The following MAPT variants were observed in gnomAD, a reference collection of about 807,000 sequenced individuals.
MAPT encodes the protein microtubule associated protein tau, also known as microtubule-associated protein tau.
A neutral mutation model predicts 67.9 loss-of-function variants in MAPT; 34 were observed. That is an observed-to-expected ratio of 0.50 (90% CI 0.38 to 0.67). MAPT has a LOEUF of 0.67. MAPT is among the 30% of genes least tolerant of loss of function. MAPT has a pLI of 0.00. For synonymous variants in MAPT, 456 were observed against 464.5 expected (o/e 0.98, Z 0.23); for missense variants, 881 against 1,115.2 (o/e 0.79, Z 2.99).
At chr17:45,997,323 G>C (rs1260781923) in intron 9 of MAPT, among the ~76,000 whole-genome samples, 5 of 152,282 alleles carry the variant, frequency 3.3e-5, no homozygotes, top group South Asian at 2.1e-4. Flanking sequence ...ACAGCAGTAT[G>C]CCTCCTCACT....
intron 1 of MAPT, among the ~76,000 whole-genome samples, chr17:45,908,935 A>G (rs1403900378): frequency 6.6e-6 from 1 of 152,230 alleles, no homozygotes; most frequent in African/African-American, 2.4e-5. Flanking sequence ...AATTGTATTA[A>G]GGGTGAGTAC....
chr17:45,990,506 C>T (rs778518789), intron 7 of MAPT: 4 of 451,192 alleles, frequency 8.9e-6, no homozygotes, highest in Middle Eastern at 4.4e-4. Context: ...ATCGCAGCTA[C>T]TCGGGAGGCT....
chr17:46,001,471 C>T (rs956374810), intron 9 of MAPT, among the ~76,000 whole-genome samples: 7 of 151,856 alleles, frequency 4.6e-5, no homozygotes, highest in African/African-American at 7.3e-5. Context: ...ATGAAGAAAA[C>T]ACAACCAGTA....
intron 8 of MAPT, among the ~76,000 whole-genome samples, chr17:45,991,866 C>T (rs1453802860): frequency 6.6e-6 from 1 of 151,458 alleles, no homozygotes; most frequent in Admixed American, 6.6e-5. Flanking sequence ...CTCACTGCAT[C>T]CTCCACCTCC....
At chr17:45,989,372 C>G (rs935202234) in intron 6 of MAPT, among the ~76,000 whole-genome samples, 1 of 152,062 alleles carries the variant, frequency 6.6e-6, no homozygotes, top group Non-Finnish European at 1.5e-5. Flanking sequence ...TTGTCAGGGC[C>G]AGGCGCGGTG....
At position 46,010,732 on chromosome 17, in the gene MAPT, C is replaced by T. The variant is rs1223923522; in HGVS notation, c.2091+330C>T. 6.6e-6 allele frequency among the ~76,000 whole-genome samples: 1 copy of T among 152,226 alleles called. No individual in the cohort carries two copies. The highest frequency in any genetic ancestry group is 2.4e-5 in the African/African-American group (1 of 41,474). ...AAGCTGAGAATACCCATCAAAGTCT[C>T]CTTCCACTCATGCCCAGCCCTGTCC... On this transcript the variant is annotated intron_variant, in intron 10 of 12. Transcript: ENST00000262410. The surrounding 1 kb of genome is among the most constrained non-coding windows in gnomAD (Gnocchi z 4.7).
intron 8 of MAPT, among the ~76,000 whole-genome samples, 171 bp downstream of exon 8, chr17:45,991,757 C>G (rs1000878827): frequency 3.3e-5 from 5 of 151,584 alleles, no homozygotes; most frequent in African/African-American, 1.2e-4. Context: ...CTTTTGATTT[C>G]TGAGGCAAAT....
chr17:46,016,416 G>T (rs2076182539), intron 11 of MAPT, among the ~76,000 whole-genome samples: 1 of 150,578 alleles, frequency 6.6e-6, no homozygotes, highest in Admixed American at 6.6e-5. Context: ...GAAAGAAAAA[G>T]AAAAGAAAGT....
chr17:45,970,083 C>CCCATCCAT (rs137876410), intron 2 of MAPT, among the ~76,000 whole-genome samples: 12 of 145,110 alleles, frequency 8.3e-5, no homozygotes, highest in African/African-American at 3.1e-4. Context: ...CATCTATCCA[C>CCCATCCAT]CCATCCATCC....
chr17:45,961,314 T>C lies in MAPT; in HGVS notation c.-17-1007T>C, dbSNP rs543759273. On this transcript the variant is annotated intron_variant, in intron 1 of 12. Transcript: ENST00000262410. ...TGAAGTGGCATCTCCCTGCTGGGGC[T>C]TTTGGGGAAGAAGGGTGTGTGTTGC... Among the ~76,000 whole-genome samples the C allele has an allele frequency of 2.4e-4, 36 of 152,334 alleles. No homozygotes were observed. The South Asian group carries it at 2.9e-3, about 12-fold the overall frequency.
intron 1 of MAPT, among the ~76,000 whole-genome samples, chr17:45,934,935 G>A (rs748169470): frequency 2.0e-4 from 31 of 151,982 alleles, no homozygotes; most frequent in African/African-American, 3.4e-4. Context: ...TAATACCCAC[G>A]GGTTAATAAT....
At chr17:45,948,681 T>C (rs1458572467) in intron 1 of MAPT, among the ~76,000 whole-genome samples, 2 of 152,204 alleles carry the variant, frequency 1.3e-5, no homozygotes, top group Non-Finnish European at 2.9e-5. Flanking sequence ...GGCAACTTAC[T>C]CAACCTGTCT....
chr17:45,936,069 C>T (rs948558532), intron 1 of MAPT, among the ~76,000 whole-genome samples: 2 of 152,204 alleles, frequency 1.3e-5, no homozygotes, highest in Non-Finnish European at 2.9e-5. Context: ...TGAAGCCATG[C>T]GTGTGGTAGA....
At chr17:45,931,790 C>T (rs1412276918) in intron 1 of MAPT, 1 of 152,128 alleles carries the variant, frequency 6.6e-6, no homozygotes, top group Non-Finnish European at 1.5e-5. Flanking sequence ...ATTTTAAATA[C>T]AAAAACTCCA....
At chr17:45,942,302 G>A (rs1226581549) in intron 1 of MAPT, among the ~76,000 whole-genome samples, 2 of 152,354 alleles carry the variant, frequency 1.3e-5, no homozygotes, top group East Asian at 3.9e-4. Flanking sequence ...TCTCTAGAGT[G>A]TACGTTTCTT....
At chr17:45,947,567 T>C (rs1437955456) in intron 1 of MAPT, among the ~76,000 whole-genome samples, 3 of 151,948 alleles carry the variant, frequency 2.0e-5, no homozygotes, top group African/African-American at 7.3e-5. Context: ...TTTGTGTTTT[T>C]AGTAGAGACA....
intron 6 of MAPT, among the ~76,000 whole-genome samples, chr17:45,989,512 G>C (rs952203089): frequency 6.6e-6 from 1 of 151,102 alleles, no homozygotes; most frequent in Non-Finnish European, 1.5e-5. Flanking sequence ...CGAGCCGGGC[G>C]TGGTGGTGGG....
chr17:45,913,810 G>C (rs1247512881), intron 1 of MAPT, among the ~76,000 whole-genome samples: 4 of 152,206 alleles, frequency 2.6e-5, no homozygotes, highest in African/African-American at 9.7e-5. Context: ...TATTGGCACT[G>C]GTGGGCATGA....
intron 2 of MAPT, among the ~76,000 whole-genome samples, chr17:45,966,584 G>C (rs1415507161): frequency 1.3e-5 from 2 of 152,106 alleles, no homozygotes; most frequent in Admixed American, 6.6e-5. Flanking sequence ...GCAAGACCCT[G>C]TCTCAAAAAA....
Sources: allele counts gnomAD v4.1 joint callset (sites outside exome capture counted in the v4.1 genomes callset), GRCh38; gene constraint gnomAD v4.1.1; non-coding constraint Gnocchi (gnomAD v3.1); transcripts MANE v1.5; gene names NCBI Gene and HGNC (gene_info 2026-07-23, HGNC 2026-07-21).